GTF2F1: variants seen among roughly 807,000 people sequenced by gnomAD.
GTF2F1 encodes the protein general transcription factor IIF subunit 1, also known as general transcription factor IIF 74 kDa subunit.
A neutral mutation model predicts 63.5 loss-of-function variants in GTF2F1; 39 were observed. That is an observed-to-expected ratio of 0.61 (90% confidence interval 0.48 to 0.80). The LOEUF is 0.80. GTF2F1 is among the 30% of genes least tolerant of loss of function. The pLI is 0.00. For synonymous variants in GTF2F1, 287 were observed against 285.3 expected (o/e 1.01, Z -0.06); for missense variants, 657 against 718.3 (o/e 0.91, Z 0.97).
At position 6,389,536 on chromosome 19, in the gene GTF2F1, C is replaced by T. The variant is rs1193228360; in HGVS notation, c.234G>A (p.Glu78=). 1.9e-6 allele frequency: 3 copies of T among 1,614,136 alleles called. No homozygotes were observed. The South Asian group carries it at 3.3e-5, about 18-fold the overall frequency. The part of the protein sequence containing the change: ...GSEFNRKLRE[E]ARRKKYGIVL... ...CGATGCCGTACTTCTTCCTCCGAGCCTCCTCCCGAAGCTTGCGGTTGAACT... is the reference window on the plus strand; with the variant it reads ...CGATGCCGTACTTCTTCCTCCGAGCTTCCTCCCGAAGCTTGCGGTTGAACT... The change falls in exon 4 of 13, where the codon GAG becomes GAA. Residue 78 remains glutamate (E), a synonymous_variant. Transcript: ENST00000394456.
intron 5 of GTF2F1, 80 bp downstream of exon 5, chr19:6,387,309 C>A: frequency 7.2e-7 from 1 of 1,390,668 alleles, no homozygotes; most frequent in Non-Finnish European, 1.0e-6. Context: ...CAGCTCCCAG[C>A]ACAGGGCCTG....
rs772869351 is a variant in GTF2F1, at chr19:6,383,302, C to T, written c.682+9G>A. 39 of 1,613,022 alleles carry T rather than the reference C, an allele frequency of 2.4e-5. 1 individual carries two copies. In the Admixed American group the frequency reaches 3.5e-4, roughly 14 times the overall value. ...CTCTGTGACCTAATGCCCAGGCGCC[C>T]GTACTCACCCTCCTCACCACTGGCA... On this transcript the variant is annotated intron_variant, in intron 6 of 12. Transcript: ENST00000394456. This position sits in a 1 kb window ranked among gnomAD's most constrained non-coding sequence, Gnocchi z 4.5.
Position 6,381,747 on chromosome 19 carries a change from A to T in GTF2F1, c.786T>A (p.Asp262Glu), listed in dbSNP as rs577451471. 8.7e-6 allele frequency: 14 copies of T among 1,614,092 alleles called. No homozygotes were observed. In the African/African-American group the frequency reaches 1.6e-4, roughly 18 times the overall value. The change falls in exon 7 of 13, where the codon GAT becomes GAA. Residue 262 changes from aspartate (D) to glutamate (E), a missense_variant. Physicochemically the swap from Asp to Glu is conservative, Grantham distance 45. Around this residue, in one of 2 missense-constraint regions of GTF2F1, gnomAD observed 602 missense variants for 625.6 expected, o/e 0.96. Transcript: ENST00000394456. This position sits in a 1 kb window ranked among gnomAD's most constrained non-coding sequence, Gnocchi z 4.1. Reference protein sequence around the residue: ...GSDDEAFEDSDDGDFEGQEVD... With the variant: ...GSDDEAFEDSEDGDFEGQEVD... ...CCTCTTGGCCCTCGAAGTCCCCATC[A>T]TCGCTGTCCTCGAAGGCCTCGTCGT... is the stretch of plus-strand genomic sequence containing the variant.
At position 6,381,471 on chromosome 19, in the gene GTF2F1, A is replaced by T; in HGVS notation, c.906T>A (p.Asp302Glu). 6.2e-7 allele frequency: 1 copy of T among 1,607,882 alleles called. No homozygotes were observed. Among genetic ancestry groups the T allele is most frequent in the Admixed American group, 1.7e-5 (1 of 59,950 alleles). Residue 302 changes from aspartate (D) to glutamate (E), a missense_variant, in exon 9 of 13, where the codon GAT (aspartate) becomes GAA (glutamate). By Grantham distance (45) the Asp-to-Glu change is conservative. Transcript: ENST00000394456. The surrounding 1 kb of genome is among the most constrained non-coding windows in gnomAD (Gnocchi z 4.1). Reference sequence around the variant, plus strand: ...TCTCCTCACTACTGTCGCTCTGCTCATCGACACCTGGGAGGGGCAGGGTAT... The same window carrying T: ...TCTCCTCACTACTGTCGCTCTGCTCTTCGACACCTGGGAGGGGCAGGGTAT... ...PQQEEGPKGV[D>E]EQSDSSEESE...
In GTF2F1 at chr19:6,392,920, C is replaced by T; in HGVS notation, c.13-17G>A. The T allele has an allele frequency of 6.2e-7, 1 of 1,614,136 alleles. No individual in the cohort carries two copies. Among genetic ancestry groups the T allele is most frequent in the South Asian group, 1.1e-5 (1 of 91,084 alleles). The stretch of plus-strand genomic sequence containing the variant: ...GCTAGGGCCCTGCGGAAAGAGGAAG[C>T]GGTGAGTGAGGGGTCGCCGAGGTCG... On this transcript the variant is annotated splice_polypyrimidine_tract_variant and intron_variant, in intron 1 of 12. Coordinates refer to ENST00000394456, the MANE Select transcript of GTF2F1 (RefSeq NM_002096.3).
intron 4 of GTF2F1, among the ~76,000 whole-genome samples, chr19:6,388,511 T>A (rs2091982744): frequency 6.6e-6 from 1 of 152,188 alleles, no homozygotes; most frequent in African/African-American, 2.4e-5. Flanking sequence ...ACCCCTCCTG[T>A]TCTGCCCTCA....
Position 6,391,960 on chromosome 19 carries a change from T to A in GTF2F1, c.74A>T (p.Lys25Ile). ...VVRVPKNTTKKYNIMAFNAAD... is the reference protein window; with the variant it reads ...VVRVPKNTTKIYNIMAFNAAD... ...TGCATTAAAAGCCATGATGTTATAT[T>A]TTTTGGTTGTATTCCTGGAGTGGAT... Residue 25 changes from lysine (K) to isoleucine (I), a missense_variant, in exon 3 of 13, where the codon AAA (lysine) becomes ATA (isoleucine). By Grantham distance (102) the Lys-to-Ile change is moderately radical. This residue lies in a region of GTF2F1 where 602 missense variants were observed against 625.6 expected (regional missense o/e 0.96). Transcript: ENST00000394456. The A allele has an allele frequency of 6.4e-7, 1 of 1,572,218 alleles. No homozygotes were observed. The highest frequency in any genetic ancestry group is 8.7e-7 in the Non-Finnish European group (1 of 1,155,346).
intron 5 of GTF2F1, among the ~76,000 whole-genome samples, chr19:6,385,824 G>T (rs1379537354): frequency 6.6e-6 from 1 of 152,192 alleles, no homozygotes; most frequent in Non-Finnish European, 1.5e-5. Context: ...GGTGGCTCAC[G>T]CCTGTAATCC....
intron 6 of GTF2F1, among the ~76,000 whole-genome samples, chr19:6,382,712 C>T (rs549302149): frequency 2.1e-4 from 31 of 147,842 alleles, no homozygotes; most frequent in Non-Finnish European, 3.7e-4. Context: ...GTGGGAGGAT[C>T]GTTTGACCCT....
chr19:6,383,170 G>A lies in GTF2F1; in HGVS notation c.682+141C>T, dbSNP rs899586492. Reference sequence around the variant, plus strand: ...GCCTGCCTCAGCCTCTCAAAGTGCTGGGATGACAGGCGTGAGCCACTGTGC... The same window carrying A: ...GCCTGCCTCAGCCTCTCAAAGTGCTAGGATGACAGGCGTGAGCCACTGTGC... On this transcript the variant is annotated intron_variant, in intron 6 of 12. Transcript: ENST00000394456. The surrounding 1 kb of genome is among the most constrained non-coding windows in gnomAD (Gnocchi z 4.5). 3 of 843,808 alleles carry A rather than the reference G, an allele frequency of 3.6e-6. No homozygotes were observed. In the African/African-American group the frequency reaches 5.1e-5, roughly 14 times the overall value. The allele number at this position is 843,808 out of a possible 1,614,324, so 52.3% of individuals were successfully genotyped here. A position where few individuals can be genotyped will look rare whatever the true frequency, so the allele number is the denominator to read the frequency against.
At chr19:6,386,105 G>T (rs1426326234) in intron 5 of GTF2F1, among the ~76,000 whole-genome samples, 1 of 151,576 alleles carries the variant, frequency 6.6e-6, no homozygotes, top group East Asian at 2.0e-4. Flanking sequence ...ACTAAAACAG[G>T]CCGGGCGTGG....
At chr19:6,390,968 C>T (rs114067068) in intron 3 of GTF2F1, among the ~76,000 whole-genome samples, 1,574 of 152,280 alleles carry the variant, frequency 0.01, 24 homozygotes, top group African/African-American at 0.036. Flanking sequence ...AACAATTTAT[C>T]GTGACCTACA....
At chr19:6,392,074 A>C in intron 2 of GTF2F1, 100 bp from the exon 3 acceptor site, 1 of 694,492 alleles carries the variant, frequency 1.4e-6, no homozygotes, top group Non-Finnish European at 2.7e-6. Context: ...TCAACCACCC[A>C]ACTGGATCGT....
chr19:6,385,335 T>C lies in GTF2F1; in HGVS notation c.498-1840A>G, dbSNP rs114492648. 8.6e-3 allele frequency among the ~76,000 whole-genome samples: 1,113 copies of C among 129,782 alleles called. 15 individuals are homozygous for C. The highest frequency in any genetic ancestry group is 0.033 in the African/African-American group (1,064 of 32,444). The allele number at this position is 129,782 out of a possible 152,430, so 85.1% of individuals were successfully genotyped here. On this transcript the variant is annotated intron_variant, in intron 5 of 12. Transcript: ENST00000394456. ...TAAACCCAGGAGGTCGAGGTTGCAA[T>C]GAGCCAGTGAGCTGAGATGGTACCA...
intron 4 of GTF2F1, among the ~76,000 whole-genome samples, chr19:6,388,463 C>T (rs564933539): frequency 2.6e-5 from 4 of 152,344 alleles, no homozygotes; most frequent in African/African-American, 9.6e-5. Flanking sequence ...TATCACCCAA[C>T]TGCTGTGCCT....
chr19:6,391,995 T>C (rs2304196), intron 2 of GTF2F1, 21 bp from the exon 3 acceptor site: 128,717 of 1,326,662 alleles, frequency 0.097, 11,807 homozygotes, highest in East Asian at 0.39. Flanking sequence ...TGAGAAGAGG[T>C]AGTGTCAATC....
At position 6,381,614 on chromosome 19, in the gene GTF2F1, T is replaced by C. The variant is rs1353601719; in HGVS notation, c.838A>G (p.Ser280Gly). Residue 280 changes from serine to glycine, a missense_variant and splice_region_variant, in exon 8 of 13, where the codon AGC (serine) becomes GGC (glycine). By Grantham distance (56) the Ser-to-Gly change is moderately conservative. Around this residue, in one of 2 missense-constraint regions of GTF2F1, gnomAD observed 602 missense variants for 625.6 expected, o/e 0.96. Coordinates refer to ENST00000394456, the MANE Select transcript of GTF2F1 (RefSeq NM_002096.3). This position sits in a 1 kb window ranked among gnomAD's most constrained non-coding sequence, Gnocchi z 4.1. The stretch of plus-strand genomic sequence containing the variant: ...TTGCTCTCAGGCTCTTCTTGGGAGC[T>C]ACTGTAAGACGGGGATGGCAAAGGA... ...EVDYMSDGSS[S>G]SQEEPESKAK... 1 of 1,613,934 alleles carries C rather than the reference T, an allele frequency of 6.2e-7. No individual in the cohort carries two copies. Among genetic ancestry groups the C allele is most frequent in the East Asian group, 2.2e-5 (1 of 44,872 alleles).
At chr19:6,392,687 G>A (rs2092005444) in intron 2 of GTF2F1, among the ~76,000 whole-genome samples, 170 bp downstream of exon 2, 1 of 152,196 alleles carries the variant, frequency 6.6e-6, no homozygotes, top group African/African-American at 2.4e-5. Context: ...GTTCAAAAAA[G>A]CAGTGTTGTC....
chr19:6,392,118 CTCAAT>C, intron 2 of GTF2F1, 144 bp from the exon 3 acceptor site: 3 of 678,896 alleles, frequency 4.4e-6, no homozygotes, highest in East Asian at 5.6e-5. Flanking sequence ...AATTCAATCA[CTCAAT>C]TCAATTGAAC....
Sources: allele counts gnomAD v4.1 joint callset (sites outside exome capture counted in the v4.1 genomes callset), GRCh38; gene constraint gnomAD v4.1.1; regional missense constraint gnomAD v4.1.1; non-coding constraint Gnocchi (gnomAD v3.1); transcripts MANE v1.5; gene names NCBI Gene and HGNC (gene_info 2026-07-23, HGNC 2026-07-21).